HGS: variants seen among roughly 807,000 people sequenced by gnomAD.
HGS encodes the protein human growth factor-regulated tyrosine kinase substrate.
A neutral mutation model predicts 109.7 loss-of-function variants in HGS; 63 were observed. The ratio of observed to expected loss-of-function variants is 0.57; its 90% CI spans 0.47 to 0.71. The LOEUF is 0.71. Ranked by LOEUF, HGS falls within the 30% of genes least tolerant of loss-of-function variation. The pLI, the probability that HGS is intolerant of heterozygous loss-of-function variation, is 0.00. For missense variants in HGS, 995 were observed against 1,068.3 expected (o/e 0.93, Z 0.96); for synonymous variants, 546 against 437.3 (o/e 1.25, Z -3.10).
chr17:81,690,504 C>T (rs1438056973), intron 6 of HGS, 170 bp from the exon 7 acceptor site: 7 of 641,004 alleles, frequency 1.1e-5, no homozygotes, highest in Non-Finnish European at 1.8e-5. Context: ...CCTCAGGCCT[C>T]GGCAGCTTCA....
At chr17:81,699,887 C>T (rs2037207441) in intron 18 of HGS, among the ~76,000 whole-genome samples, 1 of 146,706 alleles carries the variant, frequency 6.8e-6, no homozygotes, top group Non-Finnish European at 1.5e-5. Context: ...CCAGCCTGAC[C>T]AACATGGTGA....
chr17:81,698,008 A>G (rs906605155), intron 18 of HGS: 1 of 147,800 alleles, frequency 6.8e-6, no homozygotes, highest in African/African-American at 2.5e-5. Flanking sequence ...CTGGCTAATT[A>G]AAAAAAAAAG....
chr17:81,699,818 T>C (rs1432396686), intron 18 of HGS, among the ~76,000 whole-genome samples: 1 of 150,324 alleles, frequency 6.7e-6, no homozygotes, highest in Non-Finnish European at 1.5e-5. Context: ...CTCACGCCTA[T>C]AATCCCAGCA....
rs1277356556 is a variant in HGS, at chr17:81,695,821, C to T, written c.1215C>T (p.His405=). 7 of 1,613,398 alleles carry T rather than the reference C, an allele frequency of 4.3e-6. No homozygotes were observed. The highest frequency in any genetic ancestry group is 2.7e-5 in the African/African-American group (2 of 74,942). The part of the protein sequence containing the change: ...QFHNGESEES[H]EQFLKALQNA... ...ACAATGGCGAGTCTGAGGAGAGCCA[C>T]GAGCAGTTCCTGAAGGCGCTGCAGA... is the stretch of plus-strand genomic sequence containing the variant. Residue 405 remains histidine, a synonymous_variant, in exon 15 of 22, where the codon CAC becomes CAT. Coordinates refer to ENST00000329138, the MANE Select transcript of HGS (RefSeq NM_004712.5).
Position 81,693,493 on chromosome 17 carries a change from G to C in HGS, c.663-10G>C, listed in dbSNP as rs775861009. On this transcript the variant is annotated splice_polypyrimidine_tract_variant and intron_variant, in intron 8 of 21. Coordinates refer to ENST00000329138, the MANE Select transcript of HGS (RefSeq NM_004712.5). The stretch of plus-strand genomic sequence containing the variant: ...CGCATGGTGACCTGCAGCATTCCTT[G>C]TGCCCACAGGAAAGCGGAGGGAAAG... 14 of 1,609,636 alleles carry C rather than the reference G, an allele frequency of 8.7e-6. No individual in the cohort carries two copies. The highest frequency in any genetic ancestry group is 1.2e-5 in the Non-Finnish European group (14 of 1,176,876).
At chr17:81,696,298 C>T in intron 15 of HGS, 59 bp from the exon 16 acceptor site, 2 of 1,469,956 alleles carry the variant, frequency 1.4e-6, no homozygotes, top group East Asian at 2.4e-5. Flanking sequence ...TCCGTTCCAC[C>T]CAGGAGCTTC....
chr17:81,696,021 C>T (rs1291329868), intron 15 of HGS, 22 bp downstream of exon 15: 1 of 1,530,016 alleles, frequency 6.5e-7, no homozygotes, highest in South Asian at 1.3e-5. Flanking sequence ...CGCCACGGGG[C>T]CTCGGCTCAG....
In HGS at chr17:81,695,807, T is replaced by G; in HGVS notation, c.1201T>G (p.Ser401Ala). Reference sequence around the variant, plus strand: ...GCAGCCACAGTTCCACAATGGCGAGTCTGAGGAGAGCCACGAGCAGTTCCT... The same window carrying G: ...GCAGCCACAGTTCCACAATGGCGAGGCTGAGGAGAGCCACGAGCAGTTCCT... ...FSEPQFHNGESEESHEQFLKA... is the reference protein window; with the variant it reads ...FSEPQFHNGEAEESHEQFLKA... Residue 401 changes from serine to alanine, a missense_variant, in exon 15 of 22, where the codon TCT (serine) becomes GCT (alanine). Physicochemically the swap from Ser to Ala is moderately conservative, Grantham distance 99. Transcript: ENST00000329138. 2 of 1,613,248 alleles carry G rather than the reference T, an allele frequency of 1.2e-6. No homozygotes were observed. Among genetic ancestry groups the G allele is most frequent in the Non-Finnish European group, 1.7e-6 (2 of 1,179,954 alleles).
At chr17:81,699,351 G>A (rs1346847356) in intron 18 of HGS, among the ~76,000 whole-genome samples, 1 of 152,234 alleles carries the variant, frequency 6.6e-6, no homozygotes, top group African/African-American at 2.4e-5. Context: ...GTCAGACCAT[G>A]TCACTCATTT....
chr17:81,689,371 C>T (rs1250068808), intron 5 of HGS, among the ~76,000 whole-genome samples: 4 of 152,202 alleles, frequency 2.6e-5, no homozygotes, highest in Non-Finnish European at 5.9e-5. Flanking sequence ...GGTGGGTTTT[C>T]GTCTAGGTCG....
intron 8 of HGS, chr17:81,692,754 G>A (rs760005039): frequency 6.6e-6 from 1 of 151,968 alleles, no homozygotes; most frequent in Admixed American, 6.6e-5. Context: ...AGGCTGAGGC[G>A]GGCAGATCAC....
At chr17:81,700,390 AACTC>A (rs1383559233) in intron 18 of HGS, 73 bp from the exon 19 acceptor site, 9 of 1,420,754 alleles carry the variant, frequency 6.3e-6, no homozygotes, top group South Asian at 1.5e-5. Context: ...AAAAAAGTAA[AACTC>A]AAGAGTAGGG....
At chr17:81,684,497 C>T (rs1169754199) in intron 1 of HGS, 2 of 193,986 alleles carry the variant, frequency 1.0e-5, no homozygotes, top group African/African-American at 2.3e-5. Flanking sequence ...TGACCCAAAA[C>T]ACTGGGCCTC....
At chr17:81,700,847 G>C in intron 20 of HGS, 33 bp downstream of exon 20, 1 of 1,596,368 alleles carries the variant, frequency 6.3e-7, no homozygotes, top group Non-Finnish European at 8.6e-7. Flanking sequence ...CTGGGGGCCA[G>C]GGTGGGGGAG....
intron 8 of HGS, chr17:81,692,089 T>A (rs1019115401): frequency 6.2e-6 from 1 of 161,954 alleles, no homozygotes; most frequent in Non-Finnish European, 1.4e-5. Context: ...GATCTTCGCC[T>A]GTGATCTCTG....
At chr17:81,686,465 C>G in intron 3 of HGS, 78 bp downstream of exon 3, 3 of 1,077,370 alleles carry the variant, frequency 2.8e-6, no homozygotes, top group South Asian at 2.6e-5. Context: ...AAGAGTTTGT[C>G]CTGTGGCCTT....
chr17:81,693,228 C>T (rs571354470), intron 8 of HGS, among the ~76,000 whole-genome samples: 1 of 152,290 alleles, frequency 6.6e-6, no homozygotes, highest in East Asian at 1.9e-4. Context: ...GGAAGGTCTT[C>T]GCAGGCCGGG....
intron 1 of HGS, chr17:81,684,967 T>G (rs888653596): frequency 2.2e-5 from 22 of 985,360 alleles, no homozygotes; most frequent in Middle Eastern, 5.2e-4. Flanking sequence ...GCTTGGCTTG[T>G]TAGATCGTTT....
Position 81,696,601 on chromosome 17 carries a change from G to A in HGS, c.1567-6G>A, listed in dbSNP as rs374840943. The stretch of plus-strand genomic sequence containing the variant: ...GCAGCATAACCAGCATGTTTTTGCC[G>A]CACAGGAGTACCTGGAGGTGCAGAG... On this transcript the variant is annotated splice_region_variant and splice_polypyrimidine_tract_variant and intron_variant, in intron 16 of 21. Transcript: ENST00000329138. 659 of 1,590,592 alleles carry A rather than the reference G, an allele frequency of 4.1e-4. 2 individuals are homozygous for A. Among genetic ancestry groups the A allele is most frequent in the Non-Finnish European group, 5.2e-4 (605 of 1,166,482 alleles).
Sources: gnomAD v4.1 joint callset for allele counts (sites outside exome capture counted in the v4.1 genomes callset) on GRCh38, gnomAD v4.1.1 for gene constraint, MANE v1.5 for transcripts, NCBI Gene and HGNC (gene_info 2026-07-23, HGNC 2026-07-21) for gene names.